Variants in METTL15 observed in about 807,000 individuals in gnomAD.
The protein encoded by METTL15 is 12S rRNA N(4)-cytidine methyltransferase METTL15.
In METTL15, 34 loss-of-function variants were observed where a neutral mutation model predicts 38.3. The observed-to-expected ratio is 0.89, with a 90% CI of 0.68 to 1.18. The LOEUF is 1.18. Ranked by LOEUF, METTL15 falls within the 50% of genes most tolerant of loss-of-function variation. The pLI, the probability that METTL15 is intolerant of heterozygous loss-of-function variation, is 0.00. For missense variants in METTL15, 438 were observed against 498.4 expected (o/e 0.88, Z 1.15); for synonymous variants, 162 against 170.9 (o/e 0.95, Z 0.41).
intron 4 of METTL15, among the ~76,000 whole-genome samples, chr11:28,232,587 GTTTA>G (rs1016240157): frequency 1.2e-4 from 18 of 151,582 alleles, no homozygotes; most frequent in Non-Finnish European, 1.8e-4. Flanking sequence ...ATATGAACAC[GTTTA>G]TTTATTTTGT....
intron 3 of METTL15, among the ~76,000 whole-genome samples, chr11:28,138,963 C>T (rs1399753374): frequency 6.6e-6 from 1 of 152,124 alleles, no homozygotes; most frequent in African/African-American, 2.4e-5. Context: ...CTCACAAATC[C>T]TTTTTTCCAT....
chr11:28,463,008 A>T (rs1435679915), intron 6 of METTL15, among the ~76,000 whole-genome samples: 1 of 152,042 alleles, frequency 6.6e-6, no homozygotes, highest in Non-Finnish European at 1.5e-5. Flanking sequence ...AAATGACAGA[A>T]TTTTTTCTCA....
At chr11:28,198,666 GCAGA>G (rs1851994938) in intron 3 of METTL15, among the ~76,000 whole-genome samples, 1 of 152,090 alleles carries the variant, frequency 6.6e-6, no homozygotes. Flanking sequence ...GTAAGTGTTA[GCAGA>G]CAGATACTTG....
intron 5 of METTL15, among the ~76,000 whole-genome samples, chr11:28,389,016 C>CT (rs1306728433): frequency 6.6e-6 from 1 of 151,752 alleles, no homozygotes; most frequent in Non-Finnish European, 1.5e-5. Context: ...TGAACTCATC[C>CT]TTTTTTATGG....
chr11:28,343,325 AT>A, intron 3 of METTL15, among the ~76,000 whole-genome samples: 1 of 152,340 alleles, frequency 6.6e-6, no homozygotes, highest in South Asian at 2.1e-4. Context: ...GAGAATAAAC[AT>A]CAACTAGAGA....
chr11:28,403,301 C>G (rs1850645989), intron 5 of METTL15, among the ~76,000 whole-genome samples: 2 of 152,010 alleles, frequency 1.3e-5, no homozygotes, highest in South Asian at 4.1e-4. Context: ...TGGCCTCTTG[C>G]TGGCTCTGTG....
intron 6 of METTL15, among the ~76,000 whole-genome samples, chr11:28,432,142 C>G (rs908614618): frequency 6.6e-6 from 1 of 152,094 alleles, no homozygotes; most frequent in African/African-American, 2.4e-5. Flanking sequence ...TGGGGTTGAC[C>G]AAATTCTTAG....
At chr11:28,180,122 A>G (rs550814490) in intron 3 of METTL15, among the ~76,000 whole-genome samples, 99 of 151,980 alleles carry the variant, frequency 6.5e-4, no homozygotes, top group Non-Finnish European at 1.2e-3. Context: ...AGGAATCTAT[A>G]TTGTCTTGTC....
intron 3 of METTL15, among the ~76,000 whole-genome samples, chr11:28,343,064 T>G (rs1477778901): frequency 6.6e-6 from 1 of 152,222 alleles, no homozygotes; most frequent in Non-Finnish European, 1.5e-5. Context: ...TGGATGACAA[T>G]GTACTTCTAA....
At chr11:28,338,357 A>C (rs1243005425), downstream of METTL15, among the ~76,000 whole-genome samples, 1 of 152,038 alleles carries the variant, frequency 6.6e-6, no homozygotes, top group Non-Finnish European at 1.5e-5. Flanking sequence ...TCTTCTCTTA[A>C]TAGTTAATGT....
chr11:28,173,690 C>A (rs770342648), intron 3 of METTL15, among the ~76,000 whole-genome samples: 1 of 152,150 alleles, frequency 6.6e-6, no homozygotes, highest in Non-Finnish European at 1.5e-5. Flanking sequence ...ACCTAATGTT[C>A]TTTTCCTGTT....
At position 28,327,779 on chromosome 11, in the gene METTL15, A is replaced by AT. The variant is rs777134885; in HGVS notation, c.779-2610dup. The AT allele has an allele frequency of 7.9e-5, 18 of 229,118 alleles. No individual in the cohort carries two copies. In the East Asian group the frequency reaches 1.3e-3, roughly 17 times the overall value. 14.2% of individuals were successfully genotyped at this position (229,118 alleles called of 1,614,324 possible). A position where few individuals can be genotyped will look rare whatever the true frequency, so the allele number is the denominator to read the frequency against. ...TGGTTATTTCAGATACTATTTTGTT[A>AT]TTTTTTTGGTTTTGTTATGAAACAT... On this transcript the variant is annotated intron_variant, in intron 6 of 6. Transcript: ENST00000407364.
At chr11:28,254,716 C>T (rs922180718) in intron 4 of METTL15, among the ~76,000 whole-genome samples, 3 of 152,048 alleles carry the variant, frequency 2.0e-5, no homozygotes, top group Admixed American at 6.5e-5. Flanking sequence ...AGTTTTCTAG[C>T]GCCATTTATT....
intron 4 of METTL15, among the ~76,000 whole-genome samples, chr11:28,276,390 G>A (rs1855843643): frequency 6.6e-6 from 1 of 152,000 alleles, no homozygotes; most frequent in Non-Finnish European, 1.5e-5. Flanking sequence ...TAACCAAGGA[G>A]CGGAAAGATC....
intron 5 of METTL15, among the ~76,000 whole-genome samples, chr11:28,368,590 G>A (rs1172655165): frequency 6.6e-6 from 1 of 152,184 alleles, no homozygotes; most frequent in East Asian, 1.9e-4. Flanking sequence ...GGAAGACAGT[G>A]TGGCGATTCC....
intron 5 of METTL15, among the ~76,000 whole-genome samples, chr11:28,406,840 T>C (rs1159606013): frequency 3.3e-5 from 5 of 152,204 alleles, no homozygotes; most frequent in Non-Finnish European, 7.3e-5. Context: ...ATGGCTCTTA[T>C]TATTTTGAGG....
chr11:28,482,158 C>T (rs148023058), intron 6 of METTL15, among the ~76,000 whole-genome samples: 1 of 152,192 alleles, frequency 6.6e-6, no homozygotes, highest in Non-Finnish European at 1.5e-5. Context: ...AGTGGGGAAG[C>T]TGTCTTCACT....
At position 28,496,555 on chromosome 11, in the gene METTL15, T is replaced by C. The variant is rs11826168; in HGVS notation, c.*425-29923T>C. Among the ~76,000 whole-genome samples the C allele has an allele frequency of 7.1e-3, 1,081 of 152,310 alleles. 8 individuals are homozygous for C. The highest frequency in any genetic ancestry group is 0.024 in the African/African-American group (981 of 41,552). ...ACAGAGGTTGTGGCTTCTGCTGCCA[T>C]TGGGGTCACCAGAGAGTTTTATGGA... On this transcript the variant is annotated intron_variant and NMD_transcript_variant, in intron 6 of 7. Coordinates refer to the METTL15 transcript ENST00000532947.
At chr11:28,412,529 T>A (rs1010370210) in intron 5 of METTL15, among the ~76,000 whole-genome samples, 3 of 151,962 alleles carry the variant, frequency 2.0e-5, no homozygotes, top group Non-Finnish European at 2.9e-5. Flanking sequence ...AATATCAGAA[T>A]ATACATGGAA....
Sources: gnomAD v4.1 joint callset for allele counts (sites outside exome capture counted in the v4.1 genomes callset) on GRCh38, gnomAD v4.1.1 for gene constraint, MANE v1.5 for transcripts, NCBI Gene and HGNC (gene_info 2026-07-23, HGNC 2026-07-21) for gene names.